Variants in ASIC2 observed in about 807,000 individuals in gnomAD.
ASIC2 encodes the protein acid-sensing ion channel 2.
A neutral mutation model predicts 57.3 loss-of-function variants in ASIC2; 25 were observed. The observed-to-expected ratio is 0.44, with a 90% CI of 0.32 to 0.61. The LOEUF is 0.61. Ranked by LOEUF, ASIC2 falls within the 20% of genes least tolerant of loss-of-function variation. The pLI is 0.06. For synonymous variants in ASIC2, 319 were observed against 307.5 expected, an observed-to-expected ratio of 1.04 and a Z score of -0.39; for missense variants, 641 against 738.1, an observed-to-expected ratio of 0.87 and a Z score of 1.52.
chr17:33,846,024 G>T (rs549567566), intron 1 of ASIC2, among the ~76,000 whole-genome samples: 1 of 152,298 alleles, frequency 6.6e-6, no homozygotes, highest in East Asian at 1.9e-4. Flanking sequence ...CCACATAGTC[G>T]TTTTCTGAAC....
At chr17:33,489,536 G>A (rs1161952920) in intron 1 of ASIC2, among the ~76,000 whole-genome samples, 1 of 152,142 alleles carries the variant, frequency 6.6e-6, no homozygotes, top group Non-Finnish European at 1.5e-5. Flanking sequence ...CCCCACCCAA[G>A]TCAGCTCACT....
intron 1 of ASIC2, chr17:34,006,669 T>C (rs1247710766): frequency 6.6e-6 from 1 of 152,206 alleles, no homozygotes; most frequent in African/African-American, 2.4e-5. Context: ...TGGGGAACAA[T>C]GTGATGATTT....
At chr17:33,676,868 AG>A (rs1907839409) in intron 1 of ASIC2, among the ~76,000 whole-genome samples, 1 of 151,950 alleles carries the variant, frequency 6.6e-6, no homozygotes, top group South Asian at 2.1e-4. Context: ...TGGAGGTGGA[AG>A]GTGTCTGGGT....
intron 1 of ASIC2, among the ~76,000 whole-genome samples, chr17:33,244,789 GT>G (rs1470195970): frequency 6.6e-6 from 1 of 152,156 alleles, no homozygotes; most frequent in Admixed American, 6.5e-5. Flanking sequence ...TTTTTCACTC[GT>G]TCAGCATCTC....
intron 1 of ASIC2, among the ~76,000 whole-genome samples, chr17:33,745,490 A>G (rs1342662069): frequency 6.0e-5 from 9 of 151,002 alleles, no homozygotes; most frequent in African/African-American, 4.9e-5. Flanking sequence ...ACCCAGATAC[A>G]GTAAAAATGC....
At chr17:33,065,912 C>A (rs1315072766) in intron 3 of ASIC2, among the ~76,000 whole-genome samples, 4 of 152,116 alleles carry the variant, frequency 2.6e-5, no homozygotes, top group Non-Finnish European at 5.9e-5. Flanking sequence ...CCCGAAAAGT[C>A]AAGGCCTTTG....
intron 1 of ASIC2, among the ~76,000 whole-genome samples, chr17:33,662,211 C>G (rs280039): frequency 2.0e-5 from 3 of 151,878 alleles, no homozygotes; most frequent in Non-Finnish European, 4.4e-5. Context: ...GTTAGGTAGC[C>G]GAAGCTCAGT....
intron 1 of ASIC2, among the ~76,000 whole-genome samples, chr17:33,495,130 A>C (rs531947533): frequency 6.6e-6 from 1 of 152,230 alleles, no homozygotes; most frequent in African/African-American, 2.4e-5. Context: ...TTAGGGAGGC[A>C]TCTGCTATCA....
chr17:33,777,851 A>G (rs1911331052), intron 1 of ASIC2, among the ~76,000 whole-genome samples: 1 of 152,118 alleles, frequency 6.6e-6, no homozygotes, highest in Admixed American at 6.6e-5. Flanking sequence ...TCCTTCCTCA[A>G]AGTGGACCTT....
intron 1 of ASIC2, among the ~76,000 whole-genome samples, chr17:33,667,880 G>A (rs1489163171): frequency 6.6e-6 from 1 of 152,158 alleles, no homozygotes; most frequent in African/African-American, 2.4e-5. Context: ...AAGCACAGCT[G>A]CTTAAGGAAA....
intron 1 of ASIC2, among the ~76,000 whole-genome samples, chr17:33,808,747 C>A (rs1912337103): frequency 6.6e-6 from 1 of 152,118 alleles, no homozygotes; most frequent in Non-Finnish European, 1.5e-5. Flanking sequence ...AGGCATCTCC[C>A]TCAAAGTGAG....
chr17:33,793,128 G>A (rs574021370), intron 1 of ASIC2, among the ~76,000 whole-genome samples: 1 of 152,312 alleles, frequency 6.6e-6, no homozygotes, highest in African/African-American at 2.4e-5. Flanking sequence ...GAAATGTTGA[G>A]GCTGCTTCCC....
intron 1 of ASIC2, among the ~76,000 whole-genome samples, chr17:33,779,648 A>G (rs998039441): frequency 6.6e-6 from 1 of 152,174 alleles, no homozygotes; most frequent in Non-Finnish European, 1.5e-5. Context: ...ATATATGCAG[A>G]AAGTTCTATA....
intron 1 of ASIC2, among the ~76,000 whole-genome samples, chr17:34,087,507 A>G (rs1008619518): frequency 3.3e-5 from 5 of 151,944 alleles, no homozygotes; most frequent in African/African-American, 1.2e-4. Flanking sequence ...TTCATCTGAC[A>G]ATTATGTGTC....
intron 1 of ASIC2, among the ~76,000 whole-genome samples, chr17:33,463,658 T>C (rs1011956347): frequency 7.4e-5 from 11 of 149,542 alleles, no homozygotes; most frequent in African/African-American, 2.7e-4. Context: ...GCGGGAGTCA[T>C]GGGAAATCAT....
upstream of ASIC2, among the ~76,000 whole-genome samples, chr17:33,293,831 C>T (rs949394079): frequency 2.0e-5 from 3 of 151,916 alleles, no homozygotes; most frequent in African/African-American, 7.3e-5. Flanking sequence ...TATGTGTGCA[C>T]TTAGTGAGTC....
intron 1 of ASIC2, among the ~76,000 whole-genome samples, chr17:33,182,840 G>A (rs319782): frequency 0.65 from 99,297 of 152,088 alleles, 34,280 homozygotes; most frequent in African/African-American, 0.89. Context: ...AAGTAAATTC[G>A]TTCCCGCCCA....
At chr17:33,926,433 TTA>T (rs1179864137) in intron 1 of ASIC2, among the ~76,000 whole-genome samples, 3 of 152,180 alleles carry the variant, frequency 2.0e-5, no homozygotes, top group South Asian at 2.1e-4. Context: ...AGCACAAAAT[TTA>T]TATGTGTTTT....
At chr17:33,109,123 G>T (rs1383976179) in intron 2 of ASIC2, among the ~76,000 whole-genome samples, 2 of 152,058 alleles carry the variant, frequency 1.3e-5, no homozygotes, top group Non-Finnish European at 1.5e-5. Flanking sequence ...AGGCATAAAA[G>T]ACTACACATT....
Sources: gnomAD v4.1 joint callset for allele counts (sites outside exome capture counted in the v4.1 genomes callset) on GRCh38, gnomAD v4.1.1 for gene constraint, MANE v1.5 for transcripts, NCBI Gene and HGNC (gene_info 2026-07-23, HGNC 2026-07-21) for gene names.